Variants in RELN observed in about 807,000 individuals in gnomAD.
RELN encodes reelin.
A neutral mutation model predicts 427.6 loss-of-function variants in RELN; 108 were observed. The ratio of observed to expected loss-of-function variants is 0.25; its 90% CI spans 0.22 to 0.30. The LOEUF (loss-of-function observed/expected upper bound fraction) is 0.30. Among genes scored for constraint, RELN ranks in the 10% least tolerant of loss-of-function variants. RELN has a pLI of 1.00. For synonymous variants in RELN, 1,524 were observed against 1,513.4 expected (o/e 1.01, Z -0.16); for missense variants, 3,715 against 4,302.8 (o/e 0.86, Z 3.82).
At chr7:103,860,377 G>A (rs981202627) in intron 2 of RELN, among the ~76,000 whole-genome samples, 3 of 152,072 alleles carry the variant, frequency 2.0e-5, no homozygotes, top group African/African-American at 4.8e-5. Context: ...ATGAGATCAC[G>A]CTGCTTTATT....
chr7:103,630,980 G>T (rs897855826), intron 19 of RELN, among the ~76,000 whole-genome samples: 1 of 151,008 alleles, frequency 6.6e-6, no homozygotes, highest in East Asian at 2.0e-4. Context: ...TGAATTTACT[G>T]AGAAACTGGA....
chr7:103,800,730 G>C (rs1204120241), intron 3 of RELN, among the ~76,000 whole-genome samples: 1 of 152,164 alleles, frequency 6.6e-6, no homozygotes, highest in Non-Finnish European at 1.5e-5. Flanking sequence ...ATTGACAAAT[G>C]GGATCTAATT....
intron 3 of RELN, among the ~76,000 whole-genome samples, chr7:103,808,537 T>C (rs1292703365): frequency 1.3e-5 from 2 of 149,236 alleles, no homozygotes; most frequent in African/African-American, 4.9e-5. Context: ...AAGAGATCAA[T>C]ACAAACAGCA....
At chr7:103,614,476 T>C (rs147883951) in intron 20 of RELN, among the ~76,000 whole-genome samples, 2,523 of 152,316 alleles carry the variant, frequency 0.017, 33 homozygotes, top group Non-Finnish European at 0.023. Flanking sequence ...CCATATCCTT[T>C]TCCCTGTTGC....
chr7:103,508,933 CA>C (rs1456852113), intron 51 of RELN, among the ~76,000 whole-genome samples: 47 of 152,276 alleles, frequency 3.1e-4, no homozygotes, highest in African/African-American at 1.1e-3. Flanking sequence ...AGGAATAATA[CA>C]ACTTACAAGG....
intron 6 of RELN, among the ~76,000 whole-genome samples, chr7:103,732,870 G>C (rs940473470): frequency 6.6e-6 from 1 of 152,068 alleles, no homozygotes; most frequent in Non-Finnish European, 1.5e-5. Flanking sequence ...TAGGTTGCCT[G>C]TTCACTCTGA....
At chr7:103,518,581 C>T (rs1299750903) in intron 49 of RELN, among the ~76,000 whole-genome samples, 1 of 148,212 alleles carries the variant, frequency 6.7e-6, no homozygotes, top group Non-Finnish European at 1.5e-5. Flanking sequence ...AGTGATCCTC[C>T]TGCCTTGGCT....
intron 1 of RELN, among the ~76,000 whole-genome samples, chr7:103,919,658 A>G (rs1427661405): frequency 6.6e-6 from 1 of 152,062 alleles, no homozygotes; most frequent in Non-Finnish European, 1.5e-5. Flanking sequence ...ACCAGCTCTA[A>G]TCTTTCCTCT....
chr7:103,855,667 T>C (rs1379432743), intron 2 of RELN, among the ~76,000 whole-genome samples: 1 of 152,182 alleles, frequency 6.6e-6, no homozygotes, highest in Non-Finnish European at 1.5e-5. Context: ...TTCTGGAGTC[T>C]AGGAGTCCAA....
chr7:103,593,701 C>A lies in RELN; in HGVS notation c.3893G>T (p.Gly1298Val). The A allele has an allele frequency of 6.2e-7, 1 of 1,613,826 alleles. No homozygotes were observed. The highest frequency in any genetic ancestry group is 8.5e-7 in the Non-Finnish European group (1 of 1,179,798). Residue 1298 changes from glycine (G) to valine (V), a missense_variant, in exon 27 of 65, where the codon GGA becomes GTA. Coordinates refer to ENST00000428762, the MANE Select transcript of RELN (RefSeq NM_005045.4). ...AAATACCTTGAACTGTAGCACATATCCAGGTTTCAGGGTCAAATCTCGAGT... is the reference window on the plus strand; with the variant it reads ...AAATACCTTGAACTGTAGCACATATACAGGTTTCAGGGTCAAATCTCGAGT... ...AVTRDLTLKP[G>V]YVLQFKLNIG...
At chr7:103,502,795 C>A (rs1375660727) in intron 52 of RELN, among the ~76,000 whole-genome samples, 2 of 152,142 alleles carry the variant, frequency 1.3e-5, no homozygotes, top group East Asian at 3.9e-4. Context: ...TAAGAGTCTG[C>A]AAAAGCCCAT....
At chr7:103,941,027 T>C (rs1313023415) in intron 1 of RELN, among the ~76,000 whole-genome samples, 1 of 152,112 alleles carries the variant, frequency 6.6e-6, no homozygotes, top group African/African-American at 2.4e-5. Flanking sequence ...CAATAAGCGT[T>C]CAAGGCCCAA....
At position 103,824,614 on chromosome 7, in the gene RELN, T is replaced by C. The variant is rs1793086106; in HGVS notation, c.473+8923A>G. Among the ~76,000 whole-genome samples, 1 of 135,484 alleles carries C rather than the reference T, an allele frequency of 7.4e-6. No homozygotes were observed. Among genetic ancestry groups the C allele is most frequent in the African/African-American group, 2.7e-5 (1 of 37,300 alleles). 88.9% of individuals were successfully genotyped at this position (135,484 alleles called of 152,430 possible). ...CTTCTGGAAACCAGTGTTTTCACTTTCTTTCAAAACAGAGTGTGTGTGTGT... is the reference window on the plus strand; with the variant it reads ...CTTCTGGAAACCAGTGTTTTCACTTCCTTTCAAAACAGAGTGTGTGTGTGT... On this transcript the variant is annotated intron_variant, in intron 3 of 64. Coordinates refer to ENST00000428762, the MANE Select transcript of RELN (RefSeq NM_005045.4). The surrounding 1 kb of genome is among the most constrained non-coding windows in gnomAD (Gnocchi z 4.4).
chr7:103,989,392 G>GCCGCCGC lies in RELN; in HGVS notation c.-37_-36insGCGGCGG. The GCCGCCGC allele has an allele frequency of 9.1e-7, 1 of 1,095,182 alleles. No homozygotes were observed. The highest frequency in any genetic ancestry group is 4.2e-5 in the East Asian group (1 of 23,882). The allele number at this position is 1,095,182 out of a possible 1,614,324, so 67.8% of individuals were successfully genotyped here. ...CCGCCGCCGCCGCCGCGCGCCCTAC[G>GCCGCCGC]CGCCGCTCGCTCATTCAGTTTTGGA... On this transcript the variant is annotated 5_prime_UTR_variant, in exon 1 of 65. Coordinates refer to ENST00000428762, the MANE Select transcript of RELN (RefSeq NM_005045.4). The surrounding 1 kb of genome is among the most constrained non-coding windows in gnomAD (Gnocchi z 4.9).
chr7:103,944,920 T>C (rs1796188954), intron 1 of RELN, among the ~76,000 whole-genome samples: 1 of 152,020 alleles, frequency 6.6e-6, no homozygotes, highest in African/African-American at 2.4e-5. Flanking sequence ...ACCAAAGACT[T>C]TGAAGGAAGA....
intron 20 of RELN, among the ~76,000 whole-genome samples, chr7:103,625,138 A>C (rs1265068977): frequency 2.0e-5 from 3 of 152,200 alleles, no homozygotes; most frequent in African/African-American, 7.2e-5. Context: ...TTTAAATTAC[A>C]TTATGAGATA....
intron 2 of RELN, among the ~76,000 whole-genome samples, chr7:103,893,785 T>C (rs1206745924): frequency 1.3e-5 from 2 of 152,142 alleles, no homozygotes. Flanking sequence ...TCATGACATG[T>C]TTAAACATTA....
Position 103,575,594 on chromosome 7 carries a change from A to C in RELN, c.4257T>G (p.His1419Gln), listed in dbSNP as rs138924805. 1 of 1,614,024 alleles carries C rather than the reference A, an allele frequency of 6.2e-7. No individual in the cohort carries two copies. Among genetic ancestry groups the C allele is most frequent in the African/African-American group, 1.3e-5 (1 of 74,924 alleles). The change falls in exon 29 of 65, where the codon CAT becomes CAG. Residue 1419 changes from histidine to glutamine, a missense_variant. His to Gln is a conservative substitution (Grantham distance 24). Coordinates refer to ENST00000428762, the MANE Select transcript of RELN (RefSeq NM_005045.4). Reference sequence around the variant, plus strand: ...AACACACTCCTGAAATGCAGTCCCCATGGCCACTGCAGTAACTGGGACAAG... The same window carrying C: ...AACACACTCCTGAAATGCAGTCCCCCTGGCCACTGCAGTAACTGGGACAAG... ...SEPCPSYCSG[H>Q]GDCISGVCFC...
At chr7:103,781,963 A>G (rs1023325507) in intron 3 of RELN, among the ~76,000 whole-genome samples, 3 of 152,166 alleles carry the variant, frequency 2.0e-5, no homozygotes, top group African/African-American at 7.2e-5. Context: ...TTCAGGAAAT[A>G]TCCTCATTGT....
Sources: gnomAD v4.1 joint callset for allele counts (sites outside exome capture counted in the v4.1 genomes callset) on GRCh38, gnomAD v4.1.1 for gene constraint, Gnocchi (gnomAD v3.1) non-coding constraint, MANE v1.5 for transcripts, NCBI Gene and HGNC (gene_info 2026-07-23, HGNC 2026-07-21) for gene names.